Variants in FAF1 observed in about 807,000 individuals in gnomAD.
The protein encoded by FAF1 is FAS-associated factor 1.
Under a neutral mutation model 92.5 loss-of-function variants are expected in FAF1, and 25 were observed. The ratio of observed to expected loss-of-function variants is 0.27; its 90% CI spans 0.20 to 0.38. The LOEUF (loss-of-function observed/expected upper bound fraction) is 0.38, where lower values mean the gene tolerates loss of function less well. Among genes scored for constraint, FAF1 ranks in the 10% least tolerant of loss-of-function variants. The probability of loss-of-function intolerance (pLI) is 1.00; values close to 1 mark genes in which losing one functional copy is unlikely to be tolerated. For synonymous variants in FAF1, 234 were observed against 273.2 expected (o/e 0.86, Z 1.42); for missense variants, 636 against 793.3 (o/e 0.80, Z 2.38).
intron 1 of FAF1, among the ~76,000 whole-genome samples, chr1:50,869,505 T>C (rs1340974418): frequency 6.6e-6 from 1 of 152,174 alleles, no homozygotes; most frequent in African/African-American, 2.4e-5. Context: ...TTTTAGTAAA[T>C]CTAAGACATT....
chr1:50,632,816 T>C (rs1653850455), intron 8 of FAF1, among the ~76,000 whole-genome samples: 2 of 152,164 alleles, frequency 1.3e-5, no homozygotes, highest in South Asian at 2.1e-4. Context: ...ATAACTCTCC[T>C]AGCTTTAACA....
At chr1:50,587,152 CCT>C (rs1293805586) in intron 9 of FAF1, among the ~76,000 whole-genome samples, 2 of 152,164 alleles carry the variant, frequency 1.3e-5, no homozygotes, top group Non-Finnish European at 2.9e-5. Context: ...CCACATCCAT[CCT>C]CTTTCTCCAA....
intron 1 of FAF1, among the ~76,000 whole-genome samples, chr1:50,905,522 T>G (rs1644830540): frequency 6.6e-6 from 1 of 152,260 alleles, no homozygotes; most frequent in South Asian, 2.1e-4. Context: ...GTATTCCTAT[T>G]TCTCCACATC....
chr1:50,761,076 T>C (rs1408224011), intron 4 of FAF1, among the ~76,000 whole-genome samples: 3 of 152,120 alleles, frequency 2.0e-5, no homozygotes, highest in African/African-American at 7.2e-5. Context: ...GCAAATAAAC[T>C]AGAAAATCTA....
chr1:50,782,370 ATG>A (rs1044233930), intron 4 of FAF1, among the ~76,000 whole-genome samples: 34 of 152,076 alleles, frequency 2.2e-4, no homozygotes, highest in Non-Finnish European at 3.5e-4. Context: ...GGCCTAGGTA[ATG>A]TGTGTGTTCG....
intron 1 of FAF1, among the ~76,000 whole-genome samples, chr1:50,915,522 A>T (rs1046821276): frequency 1.3e-5 from 2 of 152,158 alleles, no homozygotes; most frequent in East Asian, 1.9e-4. Context: ...GTTTACAGAG[A>T]TGATGTCTGG....
chr1:50,757,736 T>G (rs1350026156), intron 4 of FAF1, among the ~76,000 whole-genome samples: 1 of 152,158 alleles, frequency 6.6e-6, no homozygotes, highest in Non-Finnish European at 1.5e-5. Context: ...ATGAGATCAT[T>G]TATATGTATT....
At chr1:50,815,345 G>A (rs1009234764) in intron 2 of FAF1, among the ~76,000 whole-genome samples, 2 of 152,100 alleles carry the variant, frequency 1.3e-5, no homozygotes, top group African/African-American at 4.8e-5. Context: ...GAGTTAATTC[G>A]CTTAGGATTA....
At chr1:50,539,236 A>C (rs1648642900) in intron 14 of FAF1, among the ~76,000 whole-genome samples, 1 of 152,218 alleles carries the variant, frequency 6.6e-6, no homozygotes, top group Non-Finnish European at 1.5e-5. Context: ...ACTAAAGATA[A>C]GTACTTCTTC....
intron 1 of FAF1, among the ~76,000 whole-genome samples, chr1:50,878,365 A>G (rs1017624070): frequency 6.6e-6 from 1 of 152,208 alleles, no homozygotes; most frequent in Non-Finnish European, 1.5e-5. Context: ...ATTACTCAAA[A>G]GCCAAAGAAA....
chr1:50,693,078 C>G (rs890563340), intron 7 of FAF1, among the ~76,000 whole-genome samples: 1 of 152,126 alleles, frequency 6.6e-6, no homozygotes, highest in Admixed American at 6.6e-5. Flanking sequence ...TGATGAAGTT[C>G]AAATAACCTA....
chr1:50,731,259 T>G (rs980217096), intron 6 of FAF1, among the ~76,000 whole-genome samples: 1 of 152,212 alleles, frequency 6.6e-6, no homozygotes, highest in Non-Finnish European at 1.5e-5. Context: ...TAAACACTCC[T>G]GTCCAGTTCC....
chr1:50,838,466 C>T (rs1644229715), intron 2 of FAF1, among the ~76,000 whole-genome samples: 1 of 147,572 alleles, frequency 6.8e-6, no homozygotes, highest in Admixed American at 6.8e-5. Flanking sequence ...TTGTAAATTA[C>T]AAATATATAA....
intron 7 of FAF1, among the ~76,000 whole-genome samples, chr1:50,657,604 C>T (rs974987865): frequency 4.6e-5 from 7 of 152,164 alleles, no homozygotes; most frequent in African/African-American, 1.4e-4. Flanking sequence ...CTTCATACTT[C>T]AACAAGCATC....
At chr1:50,830,274 T>C (rs1471711952) in intron 2 of FAF1, among the ~76,000 whole-genome samples, 2 of 152,118 alleles carry the variant, frequency 1.3e-5, no homozygotes, top group Non-Finnish European at 2.9e-5. Context: ...CGTGCCACCA[T>C]GTCCAACTAA....
intron 2 of FAF1, among the ~76,000 whole-genome samples, chr1:50,835,651 G>T (rs968706561): frequency 6.6e-6 from 1 of 151,412 alleles, no homozygotes; most frequent in African/African-American, 2.4e-5. Context: ...TGTAAAATTG[G>T]AGACACCATC....
rs192358030 is a variant in FAF1 at position 50,573,796 on chromosome 1, T to C, written c.1114-6565A>G. 2.7e-5 allele frequency among the ~76,000 whole-genome samples: 4 copies of C among 147,808 alleles called. No homozygotes were observed. The East Asian group carries it at 7.8e-4, about 29-fold the overall frequency. On this transcript the variant is annotated intron_variant, in intron 12 of 18. Coordinates refer to ENST00000396153, the MANE Select transcript of FAF1 (RefSeq NM_007051.3). ...ATCTTGCATAGGGAGCACTGTCATATGGAAGTCAGAGGGTTAAAAACAAAA... is the reference window on the plus strand; with the variant it reads ...ATCTTGCATAGGGAGCACTGTCATACGGAAGTCAGAGGGTTAAAAACAAAA...
intron 1 of FAF1, among the ~76,000 whole-genome samples, chr1:50,894,194 G>A (rs1243553320): frequency 6.6e-6 from 1 of 151,672 alleles, no homozygotes; most frequent in African/African-American, 2.4e-5. Context: ...AGCTACTCAG[G>A]AGGCTGAGGC....
At chr1:50,654,971 CT>C (rs569202434) in intron 8 of FAF1, among the ~76,000 whole-genome samples, 308 of 137,790 alleles carry the variant, frequency 2.2e-3, no homozygotes, top group Admixed American at 2.2e-3. Flanking sequence ...TTAGATATTT[CT>C]TTTTTTTTTT....
Sources: gnomAD v4.1 joint callset for allele counts (sites outside exome capture counted in the v4.1 genomes callset) on GRCh38, gnomAD v4.1.1 for gene constraint, MANE v1.5 for transcripts, NCBI Gene and HGNC (gene_info 2026-07-23, HGNC 2026-07-21) for gene names.